The following ERBB4 variants were observed in gnomAD, a reference collection of about 807,000 sequenced individuals.
ERBB4 encodes the protein erb-b2 receptor tyrosine kinase 4.
In ERBB4, 42 loss-of-function variants were observed where a neutral mutation model predicts 158.0. That is an observed-to-expected ratio of 0.27 (90% CI 0.21 to 0.34). The LOEUF (loss-of-function observed/expected upper bound fraction) is 0.34. ERBB4 is among the 10% of genes least tolerant of loss of function. The pLI is 1.00. For synonymous variants in ERBB4, 583 were observed against 558.7 expected (o/e 1.04, Z -0.61); for missense variants, 1,333 against 1,624.1 (o/e 0.82, Z 3.08).
At chr2:212,027,924 G>C (rs1362290563) in intron 2 of ERBB4, among the ~76,000 whole-genome samples, 1 of 151,952 alleles carries the variant, frequency 6.6e-6, no homozygotes, top group East Asian at 1.9e-4. Flanking sequence ...TATTTTGAGA[G>C]CAGAAACAGA....
chr2:212,188,074 C>T (rs1026063951), intron 1 of ERBB4, among the ~76,000 whole-genome samples: 1 of 151,896 alleles, frequency 6.6e-6, no homozygotes, highest in African/African-American at 2.4e-5. Flanking sequence ...TCTAGAATTC[C>T]TTAACTTAGT....
intron 1 of ERBB4, among the ~76,000 whole-genome samples, chr2:212,445,521 C>G (rs1226965197): frequency 2.0e-5 from 3 of 152,112 alleles, no homozygotes; most frequent in Non-Finnish European, 2.9e-5. Context: ...AGTCAACAGG[C>G]TAAGGAGGGA....
chr2:211,550,794 A>G (rs1044117700), intron 20 of ERBB4, among the ~76,000 whole-genome samples: 6 of 148,414 alleles, frequency 4.0e-5, no homozygotes, highest in Admixed American at 2.0e-4. Context: ...ACTTAATATG[A>G]TTTCTAAATT....
chr2:212,487,025 T>C (rs1420922488), intron 1 of ERBB4, among the ~76,000 whole-genome samples: 1 of 152,180 alleles, frequency 6.6e-6, no homozygotes, highest in Non-Finnish European at 1.5e-5. Context: ...TCTGAAGTTT[T>C]TACTGTTACT....
intron 1 of ERBB4, among the ~76,000 whole-genome samples, chr2:212,132,494 G>A (rs1264254974): frequency 6.6e-6 from 1 of 152,160 alleles, no homozygotes; most frequent in African/African-American, 2.4e-5. Context: ...CCAATCTGTT[G>A]CAGTGCAGGC....
intron 3 of ERBB4, among the ~76,000 whole-genome samples, chr2:211,884,157 A>C (rs1575313376): frequency 6.6e-6 from 1 of 152,282 alleles, no homozygotes; most frequent in Admixed American, 6.5e-5. Flanking sequence ...TGCATCTAAT[A>C]GCAACACACT....
chr2:211,766,014 T>C (rs1156932392), intron 4 of ERBB4, among the ~76,000 whole-genome samples: 2 of 152,226 alleles, frequency 1.3e-5, no homozygotes, highest in Non-Finnish European at 2.9e-5. Flanking sequence ...TAACTACCTG[T>C]TTGATGACTT....
At chr2:211,905,505 T>C (rs191799923) in intron 3 of ERBB4, among the ~76,000 whole-genome samples, 1 of 151,852 alleles carries the variant, frequency 6.6e-6, no homozygotes, top group Admixed American at 6.6e-5. Flanking sequence ...TTATTTTGAC[T>C]ACCATCTACC....
Position 211,753,983 on chromosome 2 carries a change from G to A in ERBB4, c.557-3279C>T, listed in dbSNP as rs532334873. Among the ~76,000 whole-genome samples the A allele has an allele frequency of 6.5e-3, 976 of 149,328 alleles. 10 individuals carry two copies. The highest frequency in any genetic ancestry group is 0.011 in the Non-Finnish European group (746 of 67,590). On this transcript the variant is annotated intron_variant, in intron 4 of 27. Transcript: ENST00000342788. ...CGCCATTCTCCTGCCTCAGCCTCCC[G>A]AGTAGCTGGGACTACAGGCGCCTGC... is the stretch of plus-strand genomic sequence containing the variant.
chr2:212,028,780 T>G (rs941645597), intron 2 of ERBB4, among the ~76,000 whole-genome samples: 2 of 152,238 alleles, frequency 1.3e-5, no homozygotes, highest in African/African-American at 4.8e-5. Flanking sequence ...TGCTCACCCT[T>G]GAGAGCATTC....
At chr2:211,644,332 C>T (rs531506344) in intron 16 of ERBB4, among the ~76,000 whole-genome samples, 1 of 152,100 alleles carries the variant, frequency 6.6e-6, no homozygotes, top group South Asian at 2.1e-4. Context: ...ACACCCAACC[C>T]CTAATTAGAA....
chr2:211,961,083 T>A (rs191160836), intron 2 of ERBB4, among the ~76,000 whole-genome samples: 2 of 152,210 alleles, frequency 1.3e-5, no homozygotes, highest in East Asian at 3.9e-4. Context: ...TTTTAAAAAT[T>A]GGAGCATTGC....
intron 1 of ERBB4, among the ~76,000 whole-genome samples, chr2:212,202,963 A>T (rs1438085839): frequency 6.6e-6 from 1 of 151,556 alleles, no homozygotes; most frequent in Non-Finnish European, 1.5e-5. Context: ...AATACTATAC[A>T]TTTATGTAAT....
chr2:211,884,725 C>A (rs536564494), intron 3 of ERBB4, among the ~76,000 whole-genome samples: 1 of 152,126 alleles, frequency 6.6e-6, no homozygotes, highest in African/African-American at 2.4e-5. Context: ...CCAATTTCAT[C>A]AACTCACTCT....
chr2:211,554,598 C>T (rs137905040), intron 20 of ERBB4, among the ~76,000 whole-genome samples: 1 of 152,336 alleles, frequency 6.6e-6, no homozygotes, highest in African/African-American at 2.4e-5. Context: ...TACTGTCTGC[C>T]TGTTGTCACA....
intron 1 of ERBB4, among the ~76,000 whole-genome samples, chr2:212,240,677 A>G (rs1483791044): frequency 1.3e-5 from 2 of 150,480 alleles, no homozygotes. Context: ...ACAGAAAAAA[A>G]AGAAAAAAGG....
At chr2:211,704,078 C>T (rs1415559390) in intron 11 of ERBB4, 26 bp downstream of exon 11, 1 of 1,294,610 alleles carries the variant, frequency 7.7e-7, no homozygotes, top group Non-Finnish European at 1.1e-6. Flanking sequence ...TCTGTGAGCC[C>T]TGCAGCTTTA....
At chr2:212,129,333 G>A (rs1182045456) in intron 1 of ERBB4, among the ~76,000 whole-genome samples, 1 of 151,554 alleles carries the variant, frequency 6.6e-6, no homozygotes, top group African/African-American at 2.4e-5. Flanking sequence ...CAACCTTTGA[G>A]AGATGCATCT....
At chr2:211,770,214 T>G (rs114074390) in intron 4 of ERBB4, among the ~76,000 whole-genome samples, 1,863 of 152,358 alleles carry the variant, frequency 0.012, 44 homozygotes, top group African/African-American at 0.042. Context: ...CACATTAATG[T>G]TCCTTGCTTT....
Sources: allele counts gnomAD v4.1 joint callset (sites outside exome capture counted in the v4.1 genomes callset), GRCh38; gene constraint gnomAD v4.1.1; transcripts MANE v1.5; gene names NCBI Gene and HGNC (gene_info 2026-07-23, HGNC 2026-07-21).